Variants in FLRT2 observed in about 807,000 individuals in gnomAD.
The protein encoded by FLRT2 is leucine-rich repeat transmembrane protein FLRT2.
In FLRT2, 15 loss-of-function variants were observed where a neutral mutation model predicts 40.0. The observed-to-expected ratio is 0.38, with a 90% CI of 0.25 to 0.58. The LOEUF is 0.58. FLRT2 is among the 20% of genes least tolerant of loss of function. FLRT2 has a pLI of 0.71. For missense variants in FLRT2, 726 were observed against 840.0 expected, an observed-to-expected ratio of 0.86 and a Z score of 1.68; for synonymous variants, 380 against 336.8, an observed-to-expected ratio of 1.13 and a Z score of -1.41.
intron 1 of FLRT2, among the ~76,000 whole-genome samples, chr14:85,595,917 A>G (rs1315162377): frequency 6.6e-6 from 1 of 152,148 alleles, no homozygotes; most frequent in Non-Finnish European, 1.5e-5. Flanking sequence ...TTGGCGGGCA[A>G]GAAGTGATCG....
In FLRT2 at chr14:85,641,535, A is replaced by T. The variant is rs922450257; in HGVS notation, c.*18038A>T. On this transcript the variant is annotated 3_prime_UTR_variant, in exon 2 of 2. Coordinates refer to ENST00000330753, the MANE Select transcript of FLRT2 (RefSeq NM_013231.6). Reference sequence around the variant, plus strand: ...GCAGCAGGAGAGACCTGATTTCTGGATAAGGACTACAGTAGTACGTCCTTG... The same window carrying T: ...GCAGCAGGAGAGACCTGATTTCTGGTTAAGGACTACAGTAGTACGTCCTTG... The T allele has an allele frequency of 6.6e-6, 1 of 152,244 alleles. No homozygotes were observed. The highest frequency in any genetic ancestry group is 2.4e-5 in the African/African-American group (1 of 41,458). 9.4% of individuals were successfully genotyped at this position (152,244 alleles called of 1,614,324 possible).
chr14:85,630,375 A>G lies in FLRT2; in HGVS notation c.*6878A>G, dbSNP rs561197005. On this transcript the variant is annotated 3_prime_UTR_variant, in exon 2 of 2. Transcript: ENST00000330753. The stretch of plus-strand genomic sequence containing the variant: ...GGGGAATTCTTATTACTTCAATGAC[A>G]TAATAAACCTCAGTATTGGGTCACT... 20 of 148,388 alleles carry G rather than the reference A, an allele frequency of 1.3e-4. No individual in the cohort carries two copies. The highest frequency in any genetic ancestry group is 3.2e-4 in the African/African-American group (13 of 40,204). The allele number at this position is 148,388 out of a possible 1,614,324, so 9.2% of individuals were successfully genotyped here.
chr14:85,585,504 AT>A (rs1891575540), intron 1 of FLRT2, among the ~76,000 whole-genome samples: 1 of 152,178 alleles, frequency 6.6e-6, no homozygotes, highest in Non-Finnish European at 1.5e-5. Context: ...AGGTAAGTAT[AT>A]TGTTGATAAT....
chr14:85,567,395 G>A (rs1890672443), intron 1 of FLRT2, among the ~76,000 whole-genome samples: 1 of 152,138 alleles, frequency 6.6e-6, no homozygotes, highest in Non-Finnish European at 1.5e-5. Flanking sequence ...CAATGTGTGT[G>A]TGTGCCCAGT....
chr14:85,535,892 GTTTTTT>G (rs71454768), intron 1 of FLRT2, among the ~76,000 whole-genome samples: 7 of 57,894 alleles, frequency 1.2e-4, no homozygotes, highest in African/African-American at 4.0e-4. Flanking sequence ...AAGGAATGCT[GTTTTTT>G]TTTTTTTTTT....
intron 1 of FLRT2, among the ~76,000 whole-genome samples, chr14:85,613,099 T>G (rs141111279): frequency 1.3e-5 from 2 of 152,216 alleles, no homozygotes; most frequent in Non-Finnish European, 2.9e-5. Context: ...TAAAGTAGTA[T>G]GCAATTAAAG....
chr14:85,578,788 G>T (rs1566737361), intron 1 of FLRT2, among the ~76,000 whole-genome samples: 2 of 152,248 alleles, frequency 1.3e-5, no homozygotes, highest in South Asian at 4.1e-4. Context: ...AAAAATCACA[G>T]GCAGCTCTAC....
chr14:85,634,680 C>G lies in FLRT2; in HGVS notation c.*11183C>G, dbSNP rs1284260578. 1.3e-5 allele frequency: 2 copies of G among 152,156 alleles called. No homozygotes were observed. Among genetic ancestry groups the G allele is most frequent in the East Asian group, 1.9e-4 (1 of 5,198 alleles). 9.4% of individuals were successfully genotyped at this position (152,156 alleles called of 1,614,324 possible). On this transcript the variant is annotated 3_prime_UTR_variant, in exon 2 of 2. Transcript: ENST00000330753. ...CATGTATATGCTTCAATTTTCTCATCTGTACATGGGTTAATAACAACACTC... is the reference window on the plus strand; with the variant it reads ...CATGTATATGCTTCAATTTTCTCATGTGTACATGGGTTAATAACAACACTC...
At chr14:85,540,594 T>C (rs1435972215) in intron 1 of FLRT2, among the ~76,000 whole-genome samples, 1 of 152,180 alleles carries the variant, frequency 6.6e-6, no homozygotes, top group Non-Finnish European at 1.5e-5. Context: ...AATACGTGGT[T>C]GGATCCCGAT....
intron 1 of FLRT2, among the ~76,000 whole-genome samples, chr14:85,577,408 G>A (rs1891163543): frequency 6.6e-6 from 1 of 152,050 alleles, no homozygotes; most frequent in South Asian, 2.1e-4. Context: ...GCATGAAGAG[G>A]AGAATTCTAG....
chr14:85,594,436 C>T (rs1032821392), intron 1 of FLRT2, among the ~76,000 whole-genome samples: 3 of 152,068 alleles, frequency 2.0e-5, no homozygotes, highest in Non-Finnish European at 4.4e-5. Context: ...GTGTGCCGCT[C>T]CCTCATACCT....
rs942870838 is a variant in FLRT2, at chr14:85,637,476, A to G, written c.*13979A>G. On this transcript the variant is annotated 3_prime_UTR_variant, in exon 2 of 2. Transcript: ENST00000330753. ...GTGTGAAGACTCATTTAAAGTTACT[A>G]GCACAGTGTCTAGTATATACAGTTG... is the stretch of plus-strand genomic sequence containing the variant. The G allele has an allele frequency of 3.9e-5, 6 of 152,234 alleles. No homozygotes were observed. Among genetic ancestry groups the G allele is most frequent in the African/African-American group, 1.4e-4 (6 of 41,472 alleles). The allele number at this position is 152,234 out of a possible 1,614,324, so 9.4% of individuals were successfully genotyped here.
Position 85,544,273 on chromosome 14 carries a change from T to A in FLRT2, c.-377+13739T>A, listed in dbSNP as rs12147509. ...ACATGAGGCAATTCATATGCCACAC[T>A]GGATAGGTCTGTTTAAAGAATAATA... is the stretch of plus-strand genomic sequence containing the variant. On this transcript the variant is annotated intron_variant, in intron 1 of 1. Coordinates refer to ENST00000330753, the MANE Select transcript of FLRT2 (RefSeq NM_013231.6). 6.9e-3 allele frequency among the ~76,000 whole-genome samples: 1,057 copies of A among 152,326 alleles called. 5 individuals carry two copies. Among genetic ancestry groups the A allele is most frequent in the South Asian group, 0.015 (74 of 4,824 alleles).
At chr14:85,588,866 T>C (rs900810901) in intron 1 of FLRT2, among the ~76,000 whole-genome samples, 1 of 152,190 alleles carries the variant, frequency 6.6e-6, no homozygotes, top group African/African-American at 2.4e-5. Context: ...AATGAGAACA[T>C]GTGATGTTTG....
chr14:85,647,643 T>A lies in FLRT2; in HGVS notation c.*24146T>A, dbSNP rs1894337732. The A allele has an allele frequency of 7.1e-6, 1 of 140,986 alleles. No individual in the cohort carries two copies. The highest frequency in any genetic ancestry group is 2.5e-4 in the South Asian group (1 of 4,026). The allele number at this position is 140,986 out of a possible 1,614,324, so 8.7% of individuals were successfully genotyped here. A position where few individuals can be genotyped will look rare whatever the true frequency, so the allele number is the denominator to read the frequency against. The stretch of plus-strand genomic sequence containing the variant: ...ATTAACTGGAACAATTGGTCCTGAT[T>A]ATTAAGGAGAGTAAGTTTTTCCTAC... On this transcript the variant is annotated 3_prime_UTR_variant, in exon 2 of 2. Coordinates refer to ENST00000330753, the MANE Select transcript of FLRT2 (RefSeq NM_013231.6).
Position 85,623,501 on chromosome 14 carries a change from C to A in FLRT2, c.*4C>A. On this transcript the variant is annotated 3_prime_UTR_variant, in exon 2 of 2. Transcript: ENST00000330753. ...CCTGGAGCACTGCCATACGTGACAG[C>A]CAGAGGCCCAGCGTTATCAAGGCGG... The A allele has an allele frequency of 2.1e-6, 3 of 1,425,782 alleles. No individual in the cohort carries two copies. Among genetic ancestry groups the A allele is most frequent in the East Asian group, 4.9e-5 (2 of 40,614 alleles). 88.3% of individuals were successfully genotyped at this position (1,425,782 alleles called of 1,614,324 possible). A position where few individuals can be genotyped will look rare whatever the true frequency, so the allele number is the denominator to read the frequency against.
intron 1 of FLRT2, among the ~76,000 whole-genome samples, chr14:85,533,465 C>A (rs1220905067): frequency 6.6e-6 from 1 of 152,056 alleles, no homozygotes. Flanking sequence ...TCCGCACACA[C>A]GCGTCGGAGG....
intron 1 of FLRT2, among the ~76,000 whole-genome samples, chr14:85,541,895 A>G (rs1889003887): frequency 1.3e-5 from 2 of 152,168 alleles, no homozygotes; most frequent in Admixed American, 6.5e-5. Context: ...TGTCTAGACT[A>G]TGACACTGAG....
At chr14:85,600,834 C>A (rs1892349707) in intron 1 of FLRT2, among the ~76,000 whole-genome samples, 2 of 152,128 alleles carry the variant, frequency 1.3e-5, no homozygotes, top group South Asian at 4.2e-4. Flanking sequence ...GATCCTCTTT[C>A]TCATCAGAGA....
Sources: gnomAD v4.1 joint callset for allele counts (sites outside exome capture counted in the v4.1 genomes callset) on GRCh38, gnomAD v4.1.1 for gene constraint, MANE v1.5 for transcripts, NCBI Gene and HGNC (gene_info 2026-07-23, HGNC 2026-07-21) for gene names.